THBS4: variants seen among roughly 807,000 people sequenced by gnomAD.
THBS4 encodes thrombospondin-4.
In THBS4, 90 loss-of-function variants were observed where a neutral mutation model predicts 115.7. The observed-to-expected ratio is 0.78, with a 90% confidence interval of 0.66 to 0.93. THBS4 has a LOEUF of 0.93. Among genes scored for constraint, THBS4 ranks in the 40% least tolerant of loss-of-function variants. The probability of loss-of-function intolerance (pLI) is 0.00; values close to 1 mark genes in which losing one functional copy is unlikely to be tolerated. For synonymous variants in THBS4, 460 were observed against 479.3 expected, an observed-to-expected ratio of 0.96 and a Z score of 0.53; for missense variants, 1,087 against 1,232.7, an observed-to-expected ratio of 0.88 and a Z score of 1.77.
At chr5:79,996,417 C>T (rs190958453) in intron 1 of THBS4, among the ~76,000 whole-genome samples, 16 of 151,888 alleles carry the variant, frequency 1.1e-4, no homozygotes, top group Admixed American at 3.9e-4. Flanking sequence ...TTTGGAAATC[C>T]GGATTTTAGT....
At chr5:80,016,905 C>T (rs1377505788) in intron 2 of THBS4, among the ~76,000 whole-genome samples, 1 of 152,212 alleles carries the variant, frequency 6.6e-6, no homozygotes, top group Admixed American at 6.5e-5. Context: ...AGAGTTTCCA[C>T]TTCCCAGATG....
intron 1 of THBS4, among the ~76,000 whole-genome samples, chr5:79,992,187 AC>A (rs1831692871): frequency 6.6e-6 from 1 of 152,180 alleles, no homozygotes; most frequent in Admixed American, 6.5e-5. Flanking sequence ...TCTCAGAAAA[AC>A]TATTAAAGAG....
chr5:80,029,688 G>A (rs775190789), intron 2 of THBS4, among the ~76,000 whole-genome samples: 11 of 151,900 alleles, frequency 7.2e-5, no homozygotes, highest in Non-Finnish European at 1.2e-4. Context: ...GGCCAGGCGC[G>A]GTGGCTCACG....
intron 2 of THBS4, among the ~76,000 whole-genome samples, chr5:80,041,792 T>C (rs1832912154): frequency 6.6e-6 from 1 of 152,222 alleles, no homozygotes; most frequent in Non-Finnish European, 1.5e-5. Flanking sequence ...GCTTCATGCA[T>C]TTAATAAAAT....
upstream of THBS4, among the ~76,000 whole-genome samples, chr5:80,032,243 A>C (rs547755128): frequency 6.6e-6 from 1 of 152,238 alleles, no homozygotes; most frequent in African/African-American, 2.4e-5. Flanking sequence ...GTTTACTGAG[A>C]CTCCCTAGCG....
chr5:80,049,609 ACT>A (rs895459977), intron 2 of THBS4, among the ~76,000 whole-genome samples: 1 of 152,120 alleles, frequency 6.6e-6, no homozygotes, highest in African/African-American at 2.4e-5. Context: ...GAGTGGACAC[ACT>A]CTATTTTATC....
intron 2 of THBS4, among the ~76,000 whole-genome samples, chr5:80,005,148 G>A (rs1831990062): frequency 6.6e-6 from 1 of 152,144 alleles, no homozygotes; most frequent in Non-Finnish European, 1.5e-5. Context: ...GATATATCTT[G>A]GGACAGGGTG....
intron 15 of THBS4, 144 bp from the exon 16 acceptor site, chr5:80,076,711 T>G (rs1743233943): frequency 1.3e-6 from 1 of 751,628 alleles, no homozygotes; most frequent in Non-Finnish European, 2.0e-6. Context: ...CAGCCTTATC[T>G]AAGGGAATGA....
rs762953430 is a variant in THBS4, at chr5:80,029,803, CAA to C, written n.178-10258_178-10257del. Among the ~76,000 whole-genome samples, 729 of 135,960 alleles carry C rather than the reference CAA, an allele frequency of 5.4e-3. 5 individuals carry two copies. The highest frequency in any genetic ancestry group is 0.014 in the African/African-American group (549 of 37,948). 89.2% of individuals were successfully genotyped at this position (135,960 alleles called of 152,430 possible). On this transcript the variant is annotated intron_variant and non_coding_transcript_variant, in intron 2 of 3. Coordinates refer to the THBS4 transcript ENST00000510218. ...TGAAACCCCGTCTCTACTAAAAATA[CAA>C]AAAAAAAAAAAAAAATTAGCCGGGC...
chr5:80,035,594 G>A lies in THBS4; in HGVS notation c.57G>A (p.Trp19Ter), dbSNP rs1383409625. The A allele has an allele frequency of 3.5e-6, 5 of 1,430,322 alleles. No individual in the cohort carries two copies. The highest frequency in any genetic ancestry group is 1.5e-5 in the South Asian group (1 of 68,858). The allele number at this position is 1,430,322 out of a possible 1,614,324, so 88.6% of individuals were successfully genotyped here. ...VLLLHLVLQR[W>*]LAAGAQATPQ... ...TGCTGCACCTGGTCCTGCAGCGGTG[G>A]CTAGCGGCAGGCGCCCAGGCCACCC... Residue 19 changes from tryptophan to a stop codon, truncating the protein, a stop_gained, in exon 1 of 22, where the codon TGG (tryptophan) becomes TGA (stop). Transcript: ENST00000350881. LOFTEE classifies it high-confidence loss of function. The surrounding 1 kb of genome is among the most constrained non-coding windows in gnomAD (Gnocchi z 4.6).
intron 2 of THBS4, among the ~76,000 whole-genome samples, chr5:80,049,809 T>TTTGC (rs1297185738): frequency 2.6e-5 from 4 of 152,164 alleles, no homozygotes; most frequent in Non-Finnish European, 5.9e-5. Flanking sequence ...AAGGATTTCA[T>TTTGC]TTGCTTGCTT....
intron 1 of THBS4, among the ~76,000 whole-genome samples, chr5:79,997,424 A>G (rs928943615): frequency 3.9e-5 from 6 of 152,152 alleles, no homozygotes; most frequent in Non-Finnish European, 8.8e-5. Context: ...AGGACATTAC[A>G]TAATGATAAA....
chr5:80,045,328 G>C (rs897572958), intron 2 of THBS4, among the ~76,000 whole-genome samples: 1 of 152,130 alleles, frequency 6.6e-6, no homozygotes, highest in Non-Finnish European at 1.5e-5. Flanking sequence ...AGTGTTTGCT[G>C]TAATGACCAG....
chr5:80,029,803 C>CA (rs762953430), intron 2 of THBS4, among the ~76,000 whole-genome samples: 1,510 of 135,990 alleles, frequency 0.011, 29 homozygotes, highest in African/African-American at 0.033. Flanking sequence ...ACTAAAAATA[C>CA]AAAAAAAAAA....
intron 2 of THBS4, among the ~76,000 whole-genome samples, chr5:80,006,405 T>G (rs991459793): frequency 2.6e-5 from 4 of 152,234 alleles, no homozygotes; most frequent in Admixed American, 2.0e-4. Context: ...ATTCTCTCTT[T>G]GCCTGCTGCC....
intron 1 of THBS4, among the ~76,000 whole-genome samples, chr5:80,039,257 A>T (rs1224573380): frequency 1.3e-5 from 2 of 152,244 alleles, no homozygotes; most frequent in Non-Finnish European, 2.9e-5. Context: ...TATACTAAAT[A>T]ACTTCCACTG....
chr5:80,068,071 T>C lies in THBS4; in HGVS notation c.1293T>C (p.Pro431=). The change falls in exon 10 of 22, where the codon CCT becomes CCC. Residue 431 remains proline, a synonymous_variant. Transcript: ENST00000350881. ...ERNCRNPELN[P]CSVNAQCIEE... The stretch of plus-strand genomic sequence containing the variant: ...ACTGCAGAAACCCAGAGCTGAACCC[T>C]TGCAGTGTGAATGCCCAGTGCATTG... The C allele has an allele frequency of 6.2e-7, 1 of 1,614,200 alleles. No individual in the cohort carries two copies. The highest frequency in any genetic ancestry group is 8.5e-7 in the Non-Finnish European group (1 of 1,180,022).
chr5:80,030,613 G>T (rs552002704), upstream of THBS4, among the ~76,000 whole-genome samples: 1 of 152,002 alleles, frequency 6.6e-6, no homozygotes, highest in Non-Finnish European at 1.5e-5. Context: ...GTGATCCACC[G>T]GCCTCGGCCT....
chr5:80,059,403 C>T, intron 5 of THBS4, 37 bp from the exon 6 acceptor site: 3 of 1,597,752 alleles, frequency 1.9e-6, no homozygotes, highest in Non-Finnish European at 2.6e-6. Flanking sequence ...ATCAGGCATT[C>T]CTTTTCAATC....
Sources: gnomAD v4.1 joint callset for allele counts (sites outside exome capture counted in the v4.1 genomes callset) on GRCh38, gnomAD v4.1.1 for gene constraint, Gnocchi (gnomAD v3.1) non-coding constraint, MANE v1.5 for transcripts, NCBI Gene and HGNC (gene_info 2026-07-23, HGNC 2026-07-21) for gene names.